The following SLC25A39 variants were observed in gnomAD, a reference collection of about 807,000 sequenced individuals.
SLC25A39 encodes mitochondrial glutathione transporter SLC25A39.
Under a neutral mutation model 46.6 loss-of-function variants are expected in SLC25A39, and 44 were observed. The ratio of observed to expected loss-of-function variants is 0.94; its 90% CI spans 0.74 to 1.21. The LOEUF (loss-of-function observed/expected upper bound fraction) is 1.21. Ranked by LOEUF, SLC25A39 falls within the 50% of genes most tolerant of loss-of-function variation. SLC25A39 has a pLI of 0.00. For missense variants in SLC25A39, 487 were observed against 473.0 expected (o/e 1.03, Z -0.28); for synonymous variants, 218 against 190.6 (o/e 1.14, Z -1.19).
chr17:44,323,829 A>G, intron 1 of SLC25A39: 1 of 482,148 alleles, frequency 2.1e-6, no homozygotes, highest in Non-Finnish European at 3.7e-6. Flanking sequence ...TTTAGTAGAG[A>G]CAGGGTTTCA....
At chr17:44,324,587 G>C (rs1480965642) in intron 1 of SLC25A39, 124 bp downstream of exon 1, 6 of 152,298 alleles carry the variant, frequency 3.9e-5, no homozygotes, top group Non-Finnish European at 8.8e-5. Context: ...CCCGAACGGC[G>C]GAGAGCCGCC....
At position 44,322,478 on chromosome 17, in the gene SLC25A39, G is replaced by A; in HGVS notation, c.265C>T (p.Pro89Ser). The A allele has an allele frequency of 6.2e-7, 1 of 1,614,174 alleles. No individual in the cohort carries two copies. The highest frequency in any genetic ancestry group is 8.5e-7 in the Non-Finnish European group (1 of 1,180,020). The change falls in exon 5 of 12, where the codon CCA (proline) becomes TCA (serine). Residue 89 changes from proline to serine, a missense_variant. Transcript: ENST00000377095. The stretch of plus-strand genomic sequence containing the variant: ...CAGGTGGCACAGCGGGCACCATTTG[G>A]GCACAGGTACAGAGGCTCCAGGACA... ...NGVLEPLYLCPNGARCATWFQ... is the reference protein window; with the variant it reads ...NGVLEPLYLCSNGARCATWFQ...
chr17:44,324,766 C>G lies in SLC25A39; in HGVS notation c.-71G>C, dbSNP rs958446732. 6.6e-6 allele frequency: 1 copy of G among 152,124 alleles called. No homozygotes were observed. Among genetic ancestry groups the G allele is most frequent in the Admixed American group, 6.5e-5 (1 of 15,272 alleles). 9.4% of individuals were successfully genotyped at this position (152,124 alleles called of 1,614,324 possible). On this transcript the variant is annotated 5_prime_UTR_variant, in exon 1 of 12. Coordinates refer to ENST00000377095, the MANE Select transcript of SLC25A39 (RefSeq NM_001143780.3). ...GCGCCCAGGGTCAGGCGGGCCCATACCGGCTCCGCCGCCTGTGCGCGGTCC... is the reference window on the plus strand; with the variant it reads ...GCGCCCAGGGTCAGGCGGGCCCATAGCGGCTCCGCCGCCTGTGCGCGGTCC...
At position 44,319,828 on chromosome 17, in the gene SLC25A39, G is replaced by A. The variant is rs1376746846; in HGVS notation, c.*173C>T. On this transcript the variant is annotated 3_prime_UTR_variant, in exon 12 of 12. Coordinates refer to ENST00000377095, the MANE Select transcript of SLC25A39 (RefSeq NM_001143780.3). ...GACTGGAGCAGCAGGAAGAAGTTGT[G>A]TCTGAGGAAGTGCTGGGCCGCCCAG... is the stretch of plus-strand genomic sequence containing the variant. 5 of 605,464 alleles carry A rather than the reference G, an allele frequency of 8.3e-6. No homozygotes were observed. In the Admixed American group the frequency reaches 1.2e-4, roughly 14 times the overall value. The allele number at this position is 605,464 out of a possible 1,614,324, so 37.5% of individuals were successfully genotyped here.
chr17:44,321,212 G>C lies in SLC25A39; in HGVS notation c.537C>G (p.Ile179Met). Residue 179 changes from isoleucine (I) to methionine (M), a missense_variant, in exon 8 of 12, where the codon ATC (isoleucine) becomes ATG (methionine). By Grantham distance (10) the Ile-to-Met change is conservative. Coordinates refer to ENST00000377095, the MANE Select transcript of SLC25A39 (RefSeq NM_001143780.3). ...TTGTCCGCATAAGCTCCAGGGGGCT[G>C]ATCACAGTCACGGTGCCCACTGTGT... ...ALARLGTVTV[I>M]SPLELMRTKL... is the part of the protein sequence containing the mutation. 1 of 1,609,796 alleles carries C rather than the reference G, an allele frequency of 6.2e-7. No homozygotes were observed. Among genetic ancestry groups the C allele is most frequent in the South Asian group, 1.1e-5 (1 of 90,510 alleles).
chr17:44,323,910 GA>G (rs1403331529), intron 1 of SLC25A39: 1 of 310,970 alleles, frequency 3.2e-6, no homozygotes, highest in Non-Finnish European at 6.1e-6. Flanking sequence ...AAAGCACTGG[GA>G]TTACAGGCGT....
intron 2 of SLC25A39, 21 bp downstream of exon 2, chr17:44,323,457 C>A (rs757865458): frequency 1.3e-6 from 2 of 1,519,656 alleles, no homozygotes; most frequent in Non-Finnish European, 8.9e-7. Context: ...CCGCCCCCAC[C>A]CCACCTCCCC....
intron 1 of SLC25A39, chr17:44,324,315 C>G (rs1452767044): frequency 6.6e-6 from 1 of 152,572 alleles, no homozygotes; most frequent in Non-Finnish European, 1.5e-5. Context: ...GCCCAAGTTA[C>G]TGGGCGTGGA....
chr17:44,322,328 G>A (rs2048071502), intron 5 of SLC25A39, 91 bp downstream of exon 5: 1 of 1,474,244 alleles, frequency 6.8e-7, no homozygotes, highest in Admixed American at 1.7e-5. Flanking sequence ...TGCGTGCCTT[G>A]CCCAATCCCT....
At position 44,323,345 on chromosome 17, in the gene SLC25A39, T is replaced by C; in HGVS notation, c.86-2A>G. 6.2e-7 allele frequency: 1 copy of C among 1,610,646 alleles called. No individual in the cohort carries two copies. Among genetic ancestry groups the C allele is most frequent in the Non-Finnish European group, 8.5e-7 (1 of 1,178,332 alleles). On this transcript the variant is annotated splice_acceptor_variant, in intron 2 of 11. Coordinates refer to ENST00000377095, the MANE Select transcript of SLC25A39 (RefSeq NM_001143780.3). LOFTEE classifies it high-confidence loss of function. ...CCTTCACCACGTCCAGGGGTGTCAC[T>C]GGGGGAGGAAGCGGGTCTGAAGGCT...
At chr17:44,321,411 C>A in intron 7 of SLC25A39, 23 bp downstream of exon 7, 1 of 1,613,334 alleles carries the variant, frequency 6.2e-7, no homozygotes, top group South Asian at 1.1e-5. Context: ...AGAGGGAGGT[C>A]AAAGGCCCAA....
At chr17:44,322,929 A>G (rs2048099687) in intron 3 of SLC25A39, 77 bp from the exon 4 acceptor site, 6 of 1,508,328 alleles carry the variant, frequency 4.0e-6, no homozygotes, top group Non-Finnish European at 5.5e-6. Flanking sequence ...AGATCTTTTT[A>G]TTTTATTTTT....
At chr17:44,320,303 G>A (rs753154581) in intron 10 of SLC25A39, 27 bp from the exon 11 acceptor site, 9 of 1,613,396 alleles carry the variant, frequency 5.6e-6, no homozygotes, top group Non-Finnish European at 7.6e-6. Context: ...GGCTCAGTGA[G>A]ACCCCATTCA....
At chr17:44,323,426 T>A in intron 2 of SLC25A39, 52 bp downstream of exon 2, 1 of 1,541,742 alleles carries the variant, frequency 6.5e-7, no homozygotes, top group South Asian at 1.2e-5. Flanking sequence ...GCCTCCAATC[T>A]CCGGTCTGCC....
Position 44,321,684 on chromosome 17 carries a change from G to C in SLC25A39, c.392+16C>G. The C allele has an allele frequency of 6.2e-7, 1 of 1,610,526 alleles. No individual in the cohort carries two copies. The highest frequency in any genetic ancestry group is 1.1e-5 in the South Asian group (1 of 90,766). On this transcript the variant is annotated intron_variant, in intron 6 of 11. Coordinates refer to ENST00000377095, the MANE Select transcript of SLC25A39 (RefSeq NM_001143780.3). ...GGAAGTACCAGAGGAGAGTGGTGCAGGACCCGGCTACTCACAGGGTGGCGG... is the reference window on the plus strand; with the variant it reads ...GGAAGTACCAGAGGAGAGTGGTGCACGACCCGGCTACTCACAGGGTGGCGG...
intron 1 of SLC25A39, chr17:44,324,467 G>C (rs2143223787): frequency 6.6e-6 from 1 of 152,378 alleles, no homozygotes; most frequent in East Asian, 1.9e-4. Flanking sequence ...GAGAGAAAGA[G>C]CAGTCTCTGG....
Position 44,321,687 on chromosome 17 carries a change from C to G in SLC25A39, c.392+13G>C. ...AGTACCAGAGGAGAGTGGTGCAGGACCCGGCTACTCACAGGGTGGCGGGGA... is the reference window on the plus strand; with the variant it reads ...AGTACCAGAGGAGAGTGGTGCAGGAGCCGGCTACTCACAGGGTGGCGGGGA... On this transcript the variant is annotated intron_variant, in intron 6 of 11. Coordinates refer to ENST00000377095, the MANE Select transcript of SLC25A39 (RefSeq NM_001143780.3). 2 of 1,610,346 alleles carry G rather than the reference C, an allele frequency of 1.2e-6. No individual in the cohort carries two copies. The highest frequency in any genetic ancestry group is 1.1e-5 in the South Asian group (1 of 90,724).
chr17:44,323,696 G>C (rs964934181), intron 1 of SLC25A39, 119 bp from the exon 2 acceptor site: 17 of 692,546 alleles, frequency 2.5e-5, no homozygotes, highest in Admixed American at 7.9e-5. Context: ...CCAGGCTGGA[G>C]TGCAGTGGCA....
rs1038788108 is a variant in SLC25A39, at chr17:44,323,647, CTTTTG to C, written c.-15-75_-15-71del. The C allele has an allele frequency of 5.9e-6, 7 of 1,186,828 alleles. No individual in the cohort carries two copies. The African/African-American group carries it at 1.1e-4, about 18-fold the overall frequency. 73.5% of individuals were successfully genotyped at this position (1,186,828 alleles called of 1,614,324 possible). On this transcript the variant is annotated intron_variant, in intron 1 of 11. Coordinates refer to ENST00000377095, the MANE Select transcript of SLC25A39 (RefSeq NM_001143780.3). ...GAAAGGAGGCTGGGCCACTGTGAGACTTTTGTTTTGAGACGGCGTCTCGCTCTGCG... is the reference window on the plus strand; with the variant it reads ...GAAAGGAGGCTGGGCCACTGTGAGACTTTTGAGACGGCGTCTCGCTCTGCG...
Sources: gnomAD v4.1 joint callset for allele counts on GRCh38, gnomAD v4.1.1 for gene constraint, MANE v1.5 for transcripts, NCBI Gene and HGNC (gene_info 2026-07-23, HGNC 2026-07-21) for gene names.